The following AGBL4 variants were observed in gnomAD, a reference collection of about 807,000 sequenced individuals.
AGBL4 encodes the protein AGBL carboxypeptidase 4.
Under a neutral mutation model 66.4 loss-of-function variants are expected in AGBL4, and 58 were observed. The ratio of observed to expected loss-of-function variants is 0.87; its 90% CI spans 0.71 to 1.09. The LOEUF (loss-of-function observed/expected upper bound fraction) is 1.09, where lower values mean the gene tolerates loss of function less well. AGBL4 is among the 50% of genes least tolerant of loss of function. AGBL4 has a pLI of 0.00. For missense variants in AGBL4, 579 were observed against 631.0 expected, an observed-to-expected ratio of 0.92 and a Z score of 0.88; for synonymous variants, 234 against 222.9, an observed-to-expected ratio of 1.05 and a Z score of -0.44.
intron 6 of AGBL4, among the ~76,000 whole-genome samples, chr1:48,851,678 C>T (rs113798955): frequency 7.2e-5 from 11 of 152,254 alleles, no homozygotes; most frequent in African/African-American, 2.6e-4. Flanking sequence ...TAATCTTTAC[C>T]AGAAAGGAAA....
At chr1:49,704,483 C>T (rs984805506) in intron 2 of AGBL4, among the ~76,000 whole-genome samples, 2 of 151,782 alleles carry the variant, frequency 1.3e-5, no homozygotes, top group African/African-American at 4.8e-5. Flanking sequence ...ATATAAAACC[C>T]AAAATTATAA....
At chr1:49,924,014 C>A (rs886271802) in intron 1 of AGBL4, among the ~76,000 whole-genome samples, 2 of 152,074 alleles carry the variant, frequency 1.3e-5, no homozygotes, top group Admixed American at 6.6e-5. Flanking sequence ...TAGACACATG[C>A]GTGTGTATGT....
At chr1:49,301,182 G>A (rs1307130804) in intron 3 of AGBL4, among the ~76,000 whole-genome samples, 1 of 152,306 alleles carries the variant, frequency 6.6e-6, no homozygotes, top group Non-Finnish European at 1.5e-5. Context: ...CATCATTTCA[G>A]CTAGGAGCTA....
intron 4 of AGBL4, among the ~76,000 whole-genome samples, chr1:49,078,292 T>C (rs1644747518): frequency 6.6e-6 from 1 of 152,162 alleles, no homozygotes; most frequent in African/African-American, 2.4e-5. Flanking sequence ...AAAATACATA[T>C]ATATGATGCT....
intron 9 of AGBL4, among the ~76,000 whole-genome samples, chr1:48,615,604 C>G (rs1245482789): frequency 1.3e-5 from 2 of 152,140 alleles, no homozygotes; most frequent in African/African-American, 4.8e-5. Context: ...AGAAAATGAA[C>G]CCAGAACTCT....
intron 4 of AGBL4, among the ~76,000 whole-genome samples, chr1:49,143,511 G>A (rs1273658347): frequency 6.6e-6 from 1 of 152,122 alleles, no homozygotes; most frequent in Non-Finnish European, 1.5e-5. Context: ...TGTGTCTTCT[G>A]CTTCTGGACT....
chr1:49,888,979 A>G (rs1363486739), intron 1 of AGBL4, among the ~76,000 whole-genome samples: 1 of 152,230 alleles, frequency 6.6e-6, no homozygotes, highest in Non-Finnish European at 1.5e-5. Context: ...TGCTTATTTT[A>G]AAGTTGAGAA....
intron 5 of AGBL4, among the ~76,000 whole-genome samples, chr1:48,912,825 G>A (rs1653258047): frequency 6.6e-6 from 1 of 152,118 alleles, no homozygotes. Flanking sequence ...CAGATAAACA[G>A]CCTGACCAGC....
At chr1:49,972,179 G>A (rs1658186341) in intron 1 of AGBL4, among the ~76,000 whole-genome samples, 1 of 151,618 alleles carries the variant, frequency 6.6e-6, no homozygotes, top group Admixed American at 6.6e-5. Context: ...AAAGTGCTGG[G>A]ATTACAGGCA....
At chr1:48,709,601 T>A (rs1384745521) in intron 6 of AGBL4, among the ~76,000 whole-genome samples, 1 of 148,288 alleles carries the variant, frequency 6.7e-6, no homozygotes, top group African/African-American at 2.5e-5. Context: ...ATTATTATTA[T>A]TATTATTATT....
At chr1:49,021,465 C>A (rs1378321363) in intron 5 of AGBL4, among the ~76,000 whole-genome samples, 1 of 151,934 alleles carries the variant, frequency 6.6e-6, no homozygotes, top group Non-Finnish European at 1.5e-5. Flanking sequence ...AGGGTGGAGC[C>A]CTCATGAATG....
chr1:49,352,429 G>A (rs1177843564), intron 3 of AGBL4, among the ~76,000 whole-genome samples: 1 of 142,752 alleles, frequency 7.0e-6, no homozygotes, highest in African/African-American at 2.6e-5. Flanking sequence ...TCAGAGAAGA[G>A]GAGAAAAACC....
At chr1:48,940,482 C>T (rs1297863539) in intron 5 of AGBL4, among the ~76,000 whole-genome samples, 1 of 152,196 alleles carries the variant, frequency 6.6e-6, no homozygotes, top group Non-Finnish European at 1.5e-5. Context: ...CCTTTCACCA[C>T]CTCTAGTTGA....
At chr1:49,706,747 T>C (rs761483169) in intron 2 of AGBL4, among the ~76,000 whole-genome samples, 9 of 152,212 alleles carry the variant, frequency 5.9e-5, no homozygotes, top group Non-Finnish European at 1.0e-4. Flanking sequence ...GTACGTTGTC[T>C]CTTTGTTCTC....
At chr1:49,618,887 G>A (rs1206870755) in intron 3 of AGBL4, among the ~76,000 whole-genome samples, 6 of 152,134 alleles carry the variant, frequency 3.9e-5, no homozygotes, top group Non-Finnish European at 5.9e-5. Context: ...TATCTCAATA[G>A]ATGCAAAAAT....
intron 3 of AGBL4, among the ~76,000 whole-genome samples, chr1:49,276,437 T>G (rs1282175390): frequency 6.6e-6 from 1 of 152,168 alleles, no homozygotes; most frequent in Middle Eastern, 3.2e-3. Context: ...CAAAATATAT[T>G]TATTTGGCAT....
chr1:49,274,356 TA>T (rs1644123320), intron 3 of AGBL4, among the ~76,000 whole-genome samples: 1 of 152,120 alleles, frequency 6.6e-6, no homozygotes, highest in Admixed American at 6.5e-5. Context: ...AATTGTCAAA[TA>T]AAAAATGATA....
chr1:49,328,094 GGA>G (rs1240572426), intron 3 of AGBL4, among the ~76,000 whole-genome samples: 1 of 152,156 alleles, frequency 6.6e-6, no homozygotes, highest in Non-Finnish European at 1.5e-5. Flanking sequence ...GAAAGGAACT[GGA>G]GAGAGAAATA....
At chr1:49,006,049 G>C (rs577103916) in intron 5 of AGBL4, among the ~76,000 whole-genome samples, 80 of 152,118 alleles carry the variant, frequency 5.3e-4, no homozygotes, top group Admixed American at 4.6e-3. Flanking sequence ...GGAACAGCTC[G>C]GGTCTACAGC....
Sources: allele counts gnomAD v4.1 joint callset (sites outside exome capture counted in the v4.1 genomes callset), GRCh38; gene constraint gnomAD v4.1.1; transcripts MANE v1.5; gene names NCBI Gene and HGNC (gene_info 2026-07-23, HGNC 2026-07-21).